TENM3: variants seen among roughly 807,000 people sequenced by gnomAD.
The protein encoded by TENM3 is teneurin transmembrane protein 3.
Under a neutral mutation model 255.1 loss-of-function variants are expected in TENM3, and 63 were observed. The observed-to-expected ratio is 0.25, with a 90% CI of 0.20 to 0.30. TENM3 has a LOEUF of 0.30. Among genes scored for constraint, TENM3 ranks in the 10% least tolerant of loss-of-function variants. The pLI is 1.00. For missense variants in TENM3, 2,929 were observed against 3,461.1 expected, an observed-to-expected ratio of 0.85 and a Z score of 3.86; for synonymous variants, 1,306 against 1,322.3, an observed-to-expected ratio of 0.99 and a Z score of 0.27.
chr4:182,511,611 G>A (rs1737408138), intron 3 of TENM3, among the ~76,000 whole-genome samples: 1 of 152,116 alleles, frequency 6.6e-6, no homozygotes, highest in South Asian at 2.1e-4. Flanking sequence ...CTTAGTCTGT[G>A]TTCTCTCTCC....
chr4:181,971,478 G>A, the TENM3 span, among the ~76,000 whole-genome samples: 342 of 152,226 alleles, frequency 2.2e-3, 3 homozygotes, highest in Middle Eastern at 0.014. Context: ...AAGAGACTTT[G>A]GACATACTAA....
At chr4:181,919,394 T>C in the TENM3 span, among the ~76,000 whole-genome samples, 1 of 151,844 alleles carries the variant, frequency 6.6e-6, no homozygotes, top group Non-Finnish European at 1.5e-5. Context: ...TGTGTGTGTG[T>C]GTGTGTGTCT....
At chr4:182,422,084 T>C (rs1770878959) in intron 3 of TENM3, among the ~76,000 whole-genome samples, 1 of 152,252 alleles carries the variant, frequency 6.6e-6, no homozygotes, top group African/African-American at 2.4e-5. Context: ...TTCCTTTTTT[T>C]CTGTGTTAAA....
intron 3 of TENM3, among the ~76,000 whole-genome samples, chr4:182,587,168 GTAGCCTCAACCTCC>G (rs1321223891): frequency 6.6e-6 from 1 of 151,944 alleles, no homozygotes; most frequent in Non-Finnish European, 1.5e-5. Context: ...ATGGCTCACC[GTAGCCTCAACCTCC>G]TAGGCTCAAG....
the TENM3 span, among the ~76,000 whole-genome samples, chr4:181,942,936 A>G: frequency 1.3e-5 from 2 of 152,194 alleles, no homozygotes; most frequent in South Asian, 2.1e-4. Flanking sequence ...CATACCTTTG[A>G]TAATAGGTTA....
intron 1 of TENM3, among the ~76,000 whole-genome samples, chr4:182,235,092 C>T (rs1231070021): frequency 1.3e-5 from 2 of 152,122 alleles, no homozygotes; most frequent in Non-Finnish European, 2.9e-5. Context: ...CAGTATTCCC[C>T]CACTCTGCCC....
intron 22 of TENM3, among the ~76,000 whole-genome samples, chr4:182,765,693 C>T (rs1376139519): frequency 1.3e-5 from 2 of 152,122 alleles, no homozygotes; most frequent in Non-Finnish European, 2.9e-5. Flanking sequence ...GTTCCGGTCG[C>T]GATTGTGTCG....
rs146898769 is a variant in TENM3 at position 182,315,035 on chromosome 4, C to T, written c.-75-8911C>T. Among the ~76,000 whole-genome samples the T allele has an allele frequency of 1.1e-3, 163 of 152,290 alleles. 1 individual carries two copies. Among genetic ancestry groups the T allele is most frequent in the Middle Eastern group, 6.8e-3 (2 of 294 alleles). On this transcript the variant is annotated intron_variant, in intron 1 of 27. Coordinates refer to ENST00000511685, the MANE Select transcript of TENM3 (RefSeq NM_001080477.4). ...CTTGACGTGATATTAGGTCACTTCA[C>T]ATACCTTGTAATAGTGTACTTCTGC...
At position 182,372,740 on chromosome 4, in the gene TENM3, A is replaced by T. The variant is rs1344534181; in HGVS notation, c.511+25811A>T. ...TCATTGATAATTTTGACAGATTAAT[A>T]ATTTTCTTTTTTGAGTCTCGCTCTG... On this transcript the variant is annotated intron_variant, in intron 3 of 27. Transcript: ENST00000511685. Among the ~76,000 whole-genome samples the T allele has an allele frequency of 3.9e-5, 6 of 152,112 alleles. No homozygotes were observed. In the East Asian group the frequency reaches 7.7e-4, roughly 20 times the overall value.
the TENM3 span, among the ~76,000 whole-genome samples, chr4:181,810,384 G>A: frequency 6.6e-6 from 1 of 152,182 alleles, no homozygotes; most frequent in Admixed American, 6.5e-5. Context: ...CTGGCACCCA[G>A]TAAATAATGA....
chr4:182,049,825 G>A, the TENM3 span, among the ~76,000 whole-genome samples: 1 of 151,984 alleles, frequency 6.6e-6, no homozygotes, highest in African/African-American at 2.4e-5. Flanking sequence ...TATCTCTTGG[G>A]GAGTATCACG....
chr4:182,481,327 A>AT (rs1345267268), intron 3 of TENM3, among the ~76,000 whole-genome samples: 1 of 152,124 alleles, frequency 6.6e-6, no homozygotes, highest in Non-Finnish European at 1.5e-5. Flanking sequence ...AAGACACCTC[A>AT]TTTTCTCTTT....
the TENM3 span, among the ~76,000 whole-genome samples, chr4:181,948,441 A>T: frequency 9.9e-5 from 15 of 152,204 alleles, 1 homozygote; most frequent in South Asian, 3.1e-3. Context: ...TTTAAGATGG[A>T]GTCTGGCTCT....
intron 1 of TENM3, among the ~76,000 whole-genome samples, chr4:182,285,394 A>C (rs1760670034): frequency 6.6e-6 from 1 of 152,170 alleles, no homozygotes; most frequent in Admixed American, 6.5e-5. Flanking sequence ...TAAGTGCTCC[A>C]CATTTACAGT....
At chr4:182,437,809 AAAT>A (rs148104290) in intron 3 of TENM3, among the ~76,000 whole-genome samples, 10,205 of 151,110 alleles carry the variant, frequency 0.068, 614 homozygotes, top group South Asian at 0.26. Context: ...AAAAAAAAAA[AAAT>A]ATCTGGGCGG....
chr4:181,478,633 T>C, the TENM3 span, among the ~76,000 whole-genome samples: 4 of 152,216 alleles, frequency 2.6e-5, no homozygotes, highest in Admixed American at 1.3e-4. Context: ...AATTTATTAA[T>C]TCTTTCAGTA....
At chr4:181,948,503 C>A in the TENM3 span, among the ~76,000 whole-genome samples, 1 of 152,106 alleles carries the variant, frequency 6.6e-6, no homozygotes, top group South Asian at 2.1e-4. Flanking sequence ...GCAACCTCCA[C>A]CTCCCAGGTT....
the TENM3 span, among the ~76,000 whole-genome samples, chr4:181,869,844 T>C: frequency 6.6e-6 from 1 of 152,078 alleles, no homozygotes; most frequent in African/African-American, 2.4e-5. Context: ...AATAATAAAA[T>C]TGGCATTAAA....
the TENM3 span, among the ~76,000 whole-genome samples, chr4:181,833,105 G>A: frequency 1.3e-5 from 2 of 152,274 alleles, no homozygotes; most frequent in African/African-American, 2.4e-5. Context: ...CTGAGAATGC[G>A]TAATCTAGAG....
Sources: gnomAD v4.1 joint callset for allele counts (sites outside exome capture counted in the v4.1 genomes callset) on GRCh38, gnomAD v4.1.1 for gene constraint, MANE v1.5 for transcripts, NCBI Gene and HGNC (gene_info 2026-07-23, HGNC 2026-07-21) for gene names.